TXNRD3: variants seen among roughly 807,000 people sequenced by gnomAD.
TXNRD3 encodes the protein TXNRD3 neighbor gene protein.
A neutral mutation model predicts 78.2 loss-of-function variants in TXNRD3; 68 were observed. The observed-to-expected ratio is 0.87, with a 90% CI of 0.72 to 1.06. The LOEUF (loss-of-function observed/expected upper bound fraction) is 1.06, where lower values mean the gene tolerates loss of function less well. Ranked by LOEUF, TXNRD3 falls within the 50% of genes least tolerant of loss-of-function variation. The pLI, the probability that TXNRD3 is intolerant of heterozygous loss-of-function variation, is 0.00. For synonymous variants in TXNRD3, 296 were observed against 300.1 expected (o/e 0.99, Z 0.14); for missense variants, 751 against 809.5 (o/e 0.93, Z 0.88).
At chr3:126,640,412 T>C (rs952684963) in intron 6 of TXNRD3, among the ~76,000 whole-genome samples, 1 of 151,578 alleles carries the variant, frequency 6.6e-6, no homozygotes, top group African/African-American at 2.4e-5. Context: ...CGGCCGCTGC[T>C]TGTGTTTTCT....
intron 1 of TXNRD3, among the ~76,000 whole-genome samples, chr3:126,650,513 C>A (rs1933363223): frequency 6.6e-6 from 1 of 152,056 alleles, no homozygotes. Flanking sequence ...TGGTGGCATG[C>A]ACCTGTAGTC....
At chr3:126,631,707 A>G (rs1051148315) in intron 8 of TXNRD3, 57 bp downstream of exon 8, 1 of 1,091,102 alleles carries the variant, frequency 9.2e-7, no homozygotes, top group Non-Finnish European at 1.3e-6. Flanking sequence ...AACTGGAAAC[A>G]TGTCAATATA....
chr3:126,640,537 G>T (rs1933049503), intron 6 of TXNRD3, among the ~76,000 whole-genome samples: 1 of 151,984 alleles, frequency 6.6e-6, no homozygotes, highest in East Asian at 1.9e-4. Context: ...CCTGGCTACG[G>T]TCAGAACCAG....
At chr3:126,633,326 C>G (rs898961918) in intron 7 of TXNRD3, among the ~76,000 whole-genome samples, 1 of 152,126 alleles carries the variant, frequency 6.6e-6, no homozygotes, top group East Asian at 1.9e-4. Flanking sequence ...AATCTAAAAT[C>G]TTGTGAAGAT....
At chr3:126,615,757 C>T (rs1439067118) in intron 12 of TXNRD3, among the ~76,000 whole-genome samples, 1 of 152,220 alleles carries the variant, frequency 6.6e-6, no homozygotes, top group Non-Finnish European at 1.5e-5. Flanking sequence ...TGCCATCCAT[C>T]TGCCCCTAAA....
At chr3:126,621,365 A>G (rs1267581229) in intron 12 of TXNRD3, among the ~76,000 whole-genome samples, 2 of 152,312 alleles carry the variant, frequency 1.3e-5, no homozygotes, top group Non-Finnish European at 2.9e-5. Flanking sequence ...TCCACTTATG[A>G]AGGCTTTCCC....
At chr3:126,624,913 C>A in intron 10 of TXNRD3, 1 of 212,062 alleles carries the variant, frequency 4.7e-6, no homozygotes, top group East Asian at 1.1e-4. Flanking sequence ...ATGTTAGGAG[C>A]CAGGTTGTAT....
intron 8 of TXNRD3, 38 bp downstream of exon 8, chr3:126,631,726 T>C (rs1457261515): frequency 1.6e-6 from 2 of 1,256,690 alleles, no homozygotes; most frequent in Non-Finnish European, 2.2e-6. Flanking sequence ...TAATTCAATT[T>C]ATTAACATTA....
chr3:126,637,827 T>C (rs1029928820), intron 6 of TXNRD3, among the ~76,000 whole-genome samples: 1 of 151,948 alleles, frequency 6.6e-6, no homozygotes, highest in Non-Finnish European at 1.5e-5. Context: ...CTTCTCTTTG[T>C]ATATTTTCCC....
In TXNRD3 at chr3:126,607,892, A is replaced by C; in HGVS notation, c.*13T>G. The C allele has an allele frequency of 7.3e-6, 11 of 1,502,270 alleles. No homozygotes were observed. Among genetic ancestry groups the C allele is most frequent in the Non-Finnish European group, 9.8e-6 (11 of 1,122,428 alleles). The allele number at this position is 1,502,270 out of a possible 1,614,324, so 93.1% of individuals were successfully genotyped here. A position where few individuals can be genotyped will look rare whatever the true frequency, so the allele number is the denominator to read the frequency against. ...AATGAGAATATGACAAGGAGAACTA[A>C]ACAGCAGCAGGCCTAGCCTCAGCAG... is the stretch of plus-strand genomic sequence containing the variant. On this transcript the variant is annotated 3_prime_UTR_variant, in exon 16 of 16. Transcript: ENST00000524230.
At chr3:126,647,665 A>T (rs959966814) in intron 1 of TXNRD3, among the ~76,000 whole-genome samples, 3 of 152,128 alleles carry the variant, frequency 2.0e-5, no homozygotes. Flanking sequence ...CCCCATCTCT[A>T]CAAAAAATAA....
intron 13 of TXNRD3, among the ~76,000 whole-genome samples, chr3:126,611,335 T>C (rs1386426103): frequency 6.6e-6 from 1 of 152,158 alleles, no homozygotes; most frequent in African/African-American, 2.4e-5. Context: ...TTGACTGTTG[T>C]TTTGCTTGTT....
At chr3:126,618,509 A>G (rs1319414979) in intron 12 of TXNRD3, among the ~76,000 whole-genome samples, 3 of 152,188 alleles carry the variant, frequency 2.0e-5, no homozygotes, top group Non-Finnish European at 2.9e-5. Context: ...GGAAAACAGT[A>G]TATGTAGAAG....
At chr3:126,633,845 T>C (rs1938785276) in intron 7 of TXNRD3, 64 bp downstream of exon 7, 1 of 1,347,004 alleles carries the variant, frequency 7.4e-7, no homozygotes, top group Non-Finnish European at 9.6e-7. Context: ...GAAATTTTAG[T>C]TGAAGGCAAG....
At chr3:126,654,690 TGGCGTCCGCGTGGCGG>T (rs1933468882) in intron 1 of TXNRD3, 42 bp downstream of exon 1, 1 of 1,160,080 alleles carries the variant, frequency 8.6e-7, no homozygotes, top group Admixed American at 4.4e-5. Context: ...CTGCCCCGGG[TGGCGTCCGCGTGGCGG>T]GCCCGGTCGC....
At chr3:126,615,071 A>C (rs1938285771) in intron 13 of TXNRD3, among the ~76,000 whole-genome samples, 1 of 152,210 alleles carries the variant, frequency 6.6e-6, no homozygotes, top group Admixed American at 6.5e-5. Context: ...ATCTTAAAAT[A>C]ACTTTGAGCT....
chr3:126,643,916 G>A (rs1708197560), intron 5 of TXNRD3, 65 bp downstream of exon 5: 9 of 1,397,598 alleles, frequency 6.4e-6, no homozygotes, highest in Middle Eastern at 1.8e-4. Flanking sequence ...AGGATTAAAT[G>A]AGATTACATA....
In TXNRD3 at chr3:126,655,112, C is replaced by T. The variant is rs1460504526; in HGVS notation, c.-122G>A. On this transcript the variant is annotated 5_prime_UTR_variant, in exon 1 of 16. Coordinates refer to ENST00000524230, the MANE Select transcript of TXNRD3 (RefSeq NM_052883.3). ...GCCCTCGCTGGCCACTCTCACCACC[C>T]GCGCGAATCCGCGAGGCAGCCGCTC... 1.5e-6 allele frequency: 2 copies of T among 1,292,856 alleles called. No individual in the cohort carries two copies. Among genetic ancestry groups the T allele is most frequent in the Non-Finnish European group, 2.0e-6 (2 of 1,018,656 alleles). 80.1% of individuals were successfully genotyped at this position (1,292,856 alleles called of 1,614,324 possible).
intron 10 of TXNRD3, among the ~76,000 whole-genome samples, chr3:126,627,606 T>G (rs1938609569): frequency 6.6e-6 from 1 of 152,138 alleles, no homozygotes; most frequent in East Asian, 1.9e-4. Flanking sequence ...TACCAATACA[T>G]TTGAAAACTC....
Sources: gnomAD v4.1 joint callset for allele counts (sites outside exome capture counted in the v4.1 genomes callset) on GRCh38, gnomAD v4.1.1 for gene constraint, MANE v1.5 for transcripts, NCBI Gene and HGNC (gene_info 2026-07-23, HGNC 2026-07-21) for gene names.